The following EIF4G3 variants were observed in gnomAD, a reference collection of about 807,000 sequenced individuals.
The protein encoded by EIF4G3 is eukaryotic translation initiation factor 4 gamma 3, also known as eIF-4-gamma 3.
A neutral mutation model predicts 186.4 loss-of-function variants in EIF4G3; 34 were observed. The observed-to-expected ratio is 0.18, with a 90% CI of 0.14 to 0.24. The LOEUF (loss-of-function observed/expected upper bound fraction) is 0.24, where lower values mean the gene tolerates loss of function less well. Ranked by LOEUF, EIF4G3 falls within the 10% of genes least tolerant of loss-of-function variation. The probability of loss-of-function intolerance (pLI) is 1.00; values close to 1 mark genes in which losing one functional copy is unlikely to be tolerated. For synonymous variants in EIF4G3, 673 were observed against 679.5 expected, an observed-to-expected ratio of 0.99 and a Z score of 0.15; for missense variants, 1,536 against 1,948.5, an observed-to-expected ratio of 0.79 and a Z score of 3.99.
rs200386983 is a variant in EIF4G3, at chr1:20,844,055, G to A, written c.3889-3027C>T. Among the ~76,000 whole-genome samples the A allele has an allele frequency of 9.9e-5, 15 of 152,032 alleles. No individual in the cohort carries two copies. In the East Asian group the frequency reaches 1.3e-3, roughly 14 times the overall value. ...CCGCATTTTCTTTATCCACTCTATC[G>A]TTGATGGGCATTTAGGTTGATTGCA... On this transcript the variant is annotated intron_variant, in intron 29 of 36. Transcript: ENST00000602326.
At chr1:20,990,777 T>C (rs1558598579) in intron 7 of EIF4G3, among the ~76,000 whole-genome samples, 1 of 152,234 alleles carries the variant, frequency 6.6e-6, no homozygotes, top group Non-Finnish European at 1.5e-5. Flanking sequence ...ATATATACAC[T>C]GGGAAACCAA....
intron 2 of EIF4G3, among the ~76,000 whole-genome samples, chr1:21,128,786 G>A (rs1572979162): frequency 6.6e-6 from 1 of 152,088 alleles, no homozygotes; most frequent in Admixed American, 6.6e-5. Flanking sequence ...AACTTTGAAT[G>A]TTTCTTGCAG....
intron 12 of EIF4G3, among the ~76,000 whole-genome samples, chr1:20,962,419 TATC>T (rs1355127323): frequency 1.3e-5 from 2 of 152,192 alleles, no homozygotes; most frequent in African/African-American, 4.8e-5. Flanking sequence ...TATTTATCAG[TATC>T]ATAAGTTTAC....
At chr1:21,156,950 T>G (rs2097672181) in intron 2 of EIF4G3, among the ~76,000 whole-genome samples, 1 of 151,912 alleles carries the variant, frequency 6.6e-6, no homozygotes, top group Admixed American at 6.6e-5. Flanking sequence ...CCCTACTGCT[T>G]GGGAGGTTGA....
At chr1:21,139,151 A>G (rs1332860399) in intron 2 of EIF4G3, among the ~76,000 whole-genome samples, 1 of 152,222 alleles carries the variant, frequency 6.6e-6, no homozygotes, top group Non-Finnish European at 1.5e-5. Flanking sequence ...ATCAGGTCCC[A>G]AAACAAATCC....
chr1:21,081,296 G>A (rs2095774454), intron 3 of EIF4G3, among the ~76,000 whole-genome samples: 1 of 152,140 alleles, frequency 6.6e-6, no homozygotes, highest in Non-Finnish European at 1.5e-5. Context: ...GCTGGGCATG[G>A]ATGGTGCACA....
intron 3 of EIF4G3, among the ~76,000 whole-genome samples, chr1:21,081,725 CCT>C: frequency 6.6e-6 from 1 of 150,798 alleles, no homozygotes; most frequent in East Asian, 2.0e-4. Context: ...CACTGCAACC[CCT>C]GACTCCCGGG....
At chr1:21,045,589 TG>T (rs967313962) in intron 4 of EIF4G3, among the ~76,000 whole-genome samples, 1 of 152,202 alleles carries the variant, frequency 6.6e-6, no homozygotes, top group Non-Finnish European at 1.5e-5. Context: ...TCCAAAAGCC[TG>T]GAAGTCTAGA....
At chr1:20,907,101 C>T (rs2092319611) in intron 14 of EIF4G3, among the ~76,000 whole-genome samples, 1 of 152,074 alleles carries the variant, frequency 6.6e-6, no homozygotes, top group Non-Finnish European at 1.5e-5. Flanking sequence ...TAGTTCATTG[C>T]ACAGGGAGGG....
At chr1:20,997,410 T>C (rs183713254) in intron 7 of EIF4G3, among the ~76,000 whole-genome samples, 191 bp downstream of exon 7, 21 of 151,290 alleles carry the variant, frequency 1.4e-4, no homozygotes. Flanking sequence ...CAGAGGCAAA[T>C]GGATTTGTTA....
At chr1:21,156,146 A>AAC (rs2097657605) in intron 2 of EIF4G3, among the ~76,000 whole-genome samples, 1 of 124,506 alleles carries the variant, frequency 8.0e-6, no homozygotes, top group East Asian at 3.5e-4. Context: ...AAAAAACAAC[A>AAC]AAAAAAAACT....
At chr1:21,087,277 A>C (rs536234601) in intron 3 of EIF4G3, among the ~76,000 whole-genome samples, 22 of 152,274 alleles carry the variant, frequency 1.4e-4, no homozygotes, top group African/African-American at 5.1e-4. Context: ...TCACTGTAAA[A>C]CACCTAAAAT....
chr1:20,930,230 A>G (rs1238104648), intron 14 of EIF4G3, among the ~76,000 whole-genome samples: 1 of 152,170 alleles, frequency 6.6e-6, no homozygotes, highest in Non-Finnish European at 1.5e-5. Context: ...CTGAGGCATG[A>G]GAGTGGCTGT....
intron 2 of EIF4G3, among the ~76,000 whole-genome samples, chr1:21,119,879 T>G (rs1051766584): frequency 1.3e-5 from 2 of 152,090 alleles, no homozygotes; most frequent in Non-Finnish European, 2.9e-5. Context: ...CACATACACA[T>G]TTATCGATTT....
chr1:20,904,447 GC>G (rs1268227977), intron 15 of EIF4G3, among the ~76,000 whole-genome samples: 9 of 152,258 alleles, frequency 5.9e-5, no homozygotes, highest in African/African-American at 2.2e-4. Flanking sequence ...CAGGGCTCAA[GC>G]AATCCTCCCA....
chr1:21,151,843 A>G (rs1047390189), intron 2 of EIF4G3, among the ~76,000 whole-genome samples: 8 of 152,196 alleles, frequency 5.3e-5, no homozygotes, highest in African/African-American at 1.9e-4. Context: ...TAGGGCCACA[A>G]GAAACTCCTA....
chr1:20,943,966 TA>T (rs2095817486), intron 13 of EIF4G3, among the ~76,000 whole-genome samples: 3 of 17,148 alleles, frequency 1.7e-4, no homozygotes, highest in South Asian at 2.8e-3. Context: ...AACTTGTCTT[TA>T]TTTTTTTTGT....
At chr1:21,116,844 A>G (rs1270050044) in intron 2 of EIF4G3, among the ~76,000 whole-genome samples, 6 of 151,896 alleles carry the variant, frequency 4.0e-5, no homozygotes, top group Non-Finnish European at 8.8e-5. Flanking sequence ...TTCTCAAAAA[A>G]AAAAAAAAAA....
At chr1:21,105,304 C>A (rs1344723336) in intron 2 of EIF4G3, among the ~76,000 whole-genome samples, 2 of 152,096 alleles carry the variant, frequency 1.3e-5, no homozygotes, top group Admixed American at 6.6e-5. Flanking sequence ...GTGGCGCAAG[C>A]CTGTAATCCC....
Sources: gnomAD v4.1 joint callset for allele counts (sites outside exome capture counted in the v4.1 genomes callset) on GRCh38, gnomAD v4.1.1 for gene constraint, MANE v1.5 for transcripts, NCBI Gene and HGNC (gene_info 2026-07-23, HGNC 2026-07-21) for gene names.